Variants in CSMD1 observed in about 807,000 individuals in gnomAD.
CSMD1 encodes the protein CUB and Sushi multiple domains 1, also known as CUB and sushi domain-containing protein 1.
In CSMD1, 213 loss-of-function variants were observed where a neutral mutation model predicts 417.5. The observed-to-expected ratio is 0.51, with a 90% CI of 0.46 to 0.57. The LOEUF (loss-of-function observed/expected upper bound fraction) is 0.57. CSMD1 is among the 20% of genes least tolerant of loss of function. The pLI, the probability that CSMD1 is intolerant of heterozygous loss-of-function variation, is 0.00. For missense variants in CSMD1, 6,923 were observed against 4,529.7 expected (o/e 1.53, Z -15.17); for synonymous variants, 2,862 against 1,736.8 (o/e 1.65, Z -16.11).
intron 46 of CSMD1, among the ~76,000 whole-genome samples, chr8:3,102,194 C>T (rs905153648): frequency 6.6e-6 from 1 of 152,114 alleles, no homozygotes; most frequent in African/African-American, 2.4e-5. Context: ...CACTTGAGCA[C>T]AATCGAATCA....
intron 3 of CSMD1, among the ~76,000 whole-genome samples, chr8:4,093,067 T>C (rs1350619585): frequency 2.0e-5 from 3 of 152,228 alleles, no homozygotes; most frequent in Non-Finnish European, 4.4e-5. Flanking sequence ...GAACAAGTTG[T>C]GTTCTGAATA....
At position 3,408,058 on chromosome 8, in the gene CSMD1, G is replaced by C. The variant is rs778271290; in HGVS notation, c.1912C>G (p.Leu638Val). 2.5e-6 allele frequency: 4 copies of C among 1,613,874 alleles called. No homozygotes were observed. The highest frequency in any genetic ancestry group is 3.3e-5 in the Admixed American group (2 of 59,990). The change falls in exon 14 of 70, where the codon CTC (leucine) becomes GTC (valine). Residue 638 changes from leucine to valine, a missense_variant. By Grantham distance (32) the Leu-to-Val change is conservative. Transcript: ENST00000635120. ...GAAATGCCATCATCCTTGACCGCGA[G>C]AAAGTCAAACTGAGGCTCAACATCA... ...DFDVEPQFDF[L>V]AVKDDGISDI...
chr8:3,289,445 G>C (rs960007157), intron 25 of CSMD1, among the ~76,000 whole-genome samples: 1 of 147,488 alleles, frequency 6.8e-6, no homozygotes, highest in Non-Finnish European at 1.5e-5. Context: ...CCCACCAACA[G>C]TGTAAAAGTG....
At chr8:3,818,940 T>G (rs1017600306) in intron 5 of CSMD1, among the ~76,000 whole-genome samples, 1 of 152,140 alleles carries the variant, frequency 6.6e-6, no homozygotes, top group Non-Finnish European at 1.5e-5. Context: ...ACTCACACCC[T>G]TCTTCTAAGG....
intron 9 of CSMD1, among the ~76,000 whole-genome samples, chr8:3,580,736 T>C (rs1018383565): frequency 6.6e-6 from 1 of 152,176 alleles, no homozygotes; most frequent in African/African-American, 2.4e-5. Context: ...AGACAGTGGT[T>C]ACCTGATCAA....
At chr8:4,175,139 C>A (rs1009863179) in intron 3 of CSMD1, among the ~76,000 whole-genome samples, 8 of 151,954 alleles carry the variant, frequency 5.3e-5, no homozygotes, top group African/African-American at 1.9e-4. Flanking sequence ...TAGTGTAAGA[C>A]CTCGACCATC....
intron 1 of CSMD1, among the ~76,000 whole-genome samples, chr8:4,782,019 C>T (rs1013014176): frequency 2.6e-5 from 4 of 152,090 alleles, no homozygotes; most frequent in African/African-American, 7.2e-5. Flanking sequence ...ATTTATGCAC[C>T]TTTCTCAGTC....
rs1481529586 is a variant in CSMD1, at chr8:3,101,882, ACC to A, written c.6949+4644_6949+4645del. ...AGTGACGTGATCTCAGCTCACTGCA[ACC>A]TCCACATGCGGGGTTCAAGCAATTC... On this transcript the variant is annotated intron_variant, in intron 46 of 69. Transcript: ENST00000635120. Among the ~76,000 whole-genome samples the A allele has an allele frequency of 4.9e-5, 7 of 143,780 alleles. No homozygotes were observed. In the East Asian group the frequency reaches 1.2e-3, roughly 26 times the overall value. The allele number at this position is 143,780 out of a possible 152,430, so 94.3% of individuals were successfully genotyped here.
intron 5 of CSMD1, among the ~76,000 whole-genome samples, chr8:3,956,095 C>T (rs1422714441): frequency 6.6e-6 from 1 of 152,192 alleles, no homozygotes; most frequent in African/African-American, 2.4e-5. Flanking sequence ...CGTGCTCGGC[C>T]AGGTTTCCTT....
At chr8:4,128,597 ATT>A (rs1802904875) in intron 3 of CSMD1, among the ~76,000 whole-genome samples, 2 of 152,274 alleles carry the variant, frequency 1.3e-5, no homozygotes, top group African/African-American at 4.8e-5. Flanking sequence ...TTCAAAGACC[ATT>A]GTTACAAAGC....
intron 21 of CSMD1, among the ~76,000 whole-genome samples, chr8:3,348,948 C>A (rs185024307): frequency 2.0e-4 from 31 of 152,258 alleles, no homozygotes; most frequent in East Asian, 1.9e-3. Flanking sequence ...AACTCTAAGT[C>A]CAATACGATC....
intron 25 of CSMD1, among the ~76,000 whole-genome samples, chr8:3,302,751 G>C (rs1020323233): frequency 6.6e-6 from 1 of 152,200 alleles, no homozygotes; most frequent in South Asian, 2.1e-4. Context: ...AGGAACTGAA[G>C]AGCTCAGAAT....
At chr8:3,520,012 G>GTGTATACATA (rs1225105460) in intron 10 of CSMD1, among the ~76,000 whole-genome samples, 3 of 120,028 alleles carry the variant, frequency 2.5e-5, no homozygotes, top group South Asian at 2.7e-4. Flanking sequence ...GTGTGTGTGT[G>GTGTATACATA]TATATACCTA....
intron 5 of CSMD1, among the ~76,000 whole-genome samples, chr8:3,950,405 G>A (rs1563245103): frequency 6.6e-6 from 1 of 152,170 alleles, no homozygotes; most frequent in Non-Finnish European, 1.5e-5. Flanking sequence ...CGGCCTACGG[G>A]TCAATGTAAG....
At position 3,602,135 on chromosome 8, in the gene CSMD1, G is replaced by A. The variant is rs549919211; in HGVS notation, c.1097+14575C>T. On this transcript the variant is annotated intron_variant, in intron 8 of 69. Coordinates refer to ENST00000635120, the MANE Select transcript of CSMD1 (RefSeq NM_033225.6). ...TGAACTGCACACTTAAAATGGTCAGGATGCTAAATTCTATATTATGTGGAT... is the reference window on the plus strand; with the variant it reads ...TGAACTGCACACTTAAAATGGTCAGAATGCTAAATTCTATATTATGTGGAT... 3.3e-5 allele frequency among the ~76,000 whole-genome samples: 5 copies of A among 152,152 alleles called. No individual in the cohort carries two copies. In the South Asian group the frequency reaches 6.2e-4, roughly 19 times the overall value.
chr8:3,606,578 G>T (rs566118392), intron 8 of CSMD1, among the ~76,000 whole-genome samples: 2 of 152,106 alleles, frequency 1.3e-5, no homozygotes, highest in East Asian at 1.9e-4. Flanking sequence ...TGAATGTGAG[G>T]GCCTAGGACA....
In CSMD1 at chr8:3,698,763, A is replaced by C. The variant is rs76090450; in HGVS notation, c.1009+9651T>G. ...TCATGTTCATTACTGAAGATTATCC[A>C]TATGCGGACTAATAGAGTGAAAATG... On this transcript the variant is annotated intron_variant, in intron 7 of 69. Coordinates refer to ENST00000635120, the MANE Select transcript of CSMD1 (RefSeq NM_033225.6). Among the ~76,000 whole-genome samples, 737 of 152,372 alleles carry C rather than the reference A, an allele frequency of 4.8e-3. 10 individuals are homozygous for C. The highest frequency in any genetic ancestry group is 0.017 in the African/African-American group (701 of 41,588).
intron 25 of CSMD1, among the ~76,000 whole-genome samples, chr8:3,303,692 C>G (rs1381351454): frequency 6.6e-6 from 1 of 152,112 alleles, no homozygotes; most frequent in Non-Finnish European, 1.5e-5. Context: ...ATGTTGCTAG[C>G]TGAAGAAGTT....
chr8:4,706,716 A>T (rs1162820321), intron 1 of CSMD1, among the ~76,000 whole-genome samples: 1 of 152,168 alleles, frequency 6.6e-6, no homozygotes, highest in East Asian at 1.9e-4. Flanking sequence ...AAAACAAAAG[A>T]CAGAGATGTG....
Sources: allele counts gnomAD v4.1 joint callset (sites outside exome capture counted in the v4.1 genomes callset), GRCh38; gene constraint gnomAD v4.1.1; transcripts MANE v1.5; gene names NCBI Gene and HGNC (gene_info 2026-07-23, HGNC 2026-07-21).